Variants in FAM135B observed in about 807,000 individuals in gnomAD.
The protein encoded by FAM135B is protein FAM135B.
A neutral mutation model predicts 127.7 loss-of-function variants in FAM135B; 43 were observed. The ratio of observed to expected loss-of-function variants is 0.34; its 90% CI spans 0.26 to 0.43. The LOEUF is 0.43. Among genes scored for constraint, FAM135B ranks in the 20% least tolerant of loss-of-function variants. The pLI is 1.00. For synonymous variants in FAM135B, 670 were observed against 665.1 expected (o/e 1.01, Z -0.11); for missense variants, 1,558 against 1,725.6 (o/e 0.90, Z 1.72).
At chr8:138,267,875 G>A (rs943832864) in intron 3 of FAM135B, among the ~76,000 whole-genome samples, 1 of 152,132 alleles carries the variant, frequency 6.6e-6, no homozygotes, top group South Asian at 2.1e-4. Context: ...AAATTGATGC[G>A]GCTATTAAAT....
chr8:138,276,234 G>A (rs554659016), intron 3 of FAM135B, among the ~76,000 whole-genome samples: 1 of 152,176 alleles, frequency 6.6e-6, no homozygotes, highest in Non-Finnish European at 1.5e-5. Context: ...AGGCTTTCCT[G>A]AACCATCTGC....
At chr8:138,462,399 G>A (rs1837177665) in intron 1 of FAM135B, among the ~76,000 whole-genome samples, 1 of 152,166 alleles carries the variant, frequency 6.6e-6, no homozygotes, top group Non-Finnish European at 1.5e-5. Context: ...TGGGATAAAG[G>A]TTCCAGTGTT....
chr8:138,279,963 C>T (rs925689847), intron 3 of FAM135B, among the ~76,000 whole-genome samples: 1 of 152,208 alleles, frequency 6.6e-6, no homozygotes, highest in African/African-American at 2.4e-5. Flanking sequence ...TGAGTACTCA[C>T]TCCTATATCT....
intron 2 of FAM135B, among the ~76,000 whole-genome samples, chr8:138,364,332 G>A (rs1026585702): frequency 3.9e-5 from 6 of 152,158 alleles, no homozygotes; most frequent in Admixed American, 2.0e-4. Context: ...CAGGATCTAG[G>A]AGGCTGGTGG....
chr8:138,379,993 T>C (rs1414429718), intron 1 of FAM135B, among the ~76,000 whole-genome samples: 3 of 152,120 alleles, frequency 2.0e-5, no homozygotes, highest in African/African-American at 7.2e-5. Context: ...CATCTAATTT[T>C]AAGGTTCTGC....
At chr8:138,156,232 T>C (rs1445601624) in intron 12 of FAM135B, among the ~76,000 whole-genome samples, 2 of 152,208 alleles carry the variant, frequency 1.3e-5, no homozygotes, top group Admixed American at 6.5e-5. Context: ...GAAATAAAGA[T>C]GTTCTTTGAA....
chr8:138,180,369 C>T (rs1005242682), intron 9 of FAM135B, among the ~76,000 whole-genome samples: 2 of 152,138 alleles, frequency 1.3e-5, no homozygotes, highest in African/African-American at 2.4e-5. Flanking sequence ...TTAAAAGTGC[C>T]GCGGAGCTTT....
At chr8:138,403,200 A>G (rs942901526) in intron 1 of FAM135B, among the ~76,000 whole-genome samples, 2 of 152,178 alleles carry the variant, frequency 1.3e-5, no homozygotes, top group Non-Finnish European at 2.9e-5. Context: ...TGATGATCCA[A>G]TGAGACAACT....
At chr8:138,212,328 A>G (rs1160177065) in intron 7 of FAM135B, among the ~76,000 whole-genome samples, 6 of 152,190 alleles carry the variant, frequency 3.9e-5, no homozygotes, top group Admixed American at 2.0e-4. Context: ...CTCAGCAGAT[A>G]GAGTGATGTT....
At chr8:138,186,447 T>C (rs1015339846) in intron 9 of FAM135B, among the ~76,000 whole-genome samples, 1 of 152,102 alleles carries the variant, frequency 6.6e-6, no homozygotes, top group African/African-American at 2.4e-5. Context: ...CCCCCACCAC[T>C]GGCAGGAGTG....
rs150903511 is a variant in FAM135B at position 138,330,123 on chromosome 8, C to T, written c.78-19203G>A. The stretch of plus-strand genomic sequence containing the variant: ...ACTCCTCACTCATACCTTTTCCTGA[C>T]GATAATGCCCAGGCGGCTGCTCTTA... On this transcript the variant is annotated intron_variant, in intron 2 of 19. Transcript: ENST00000395297. 1.6e-4 allele frequency among the ~76,000 whole-genome samples: 24 copies of T among 152,244 alleles called. No individual in the cohort carries two copies. The East Asian group carries it at 2.5e-3, about 16-fold the overall frequency.
At chr8:138,214,123 C>T (rs1818358541) in intron 7 of FAM135B, among the ~76,000 whole-genome samples, 1 of 152,098 alleles carries the variant, frequency 6.6e-6, no homozygotes, top group Admixed American at 6.5e-5. Flanking sequence ...ATCCATTGCG[C>T]AGACAGCCAG....
chr8:138,483,005 T>A (rs1814847066), intron 1 of FAM135B, among the ~76,000 whole-genome samples: 1 of 152,136 alleles, frequency 6.6e-6, no homozygotes. Context: ...GCCAATATAG[T>A]ACCTAGACTT....
intron 1 of FAM135B, among the ~76,000 whole-genome samples, chr8:138,415,224 T>TAGA: frequency 6.6e-6 from 1 of 152,290 alleles, no homozygotes; most frequent in South Asian, 2.1e-4. Flanking sequence ...GCCTGGAGAT[T>TAGA]AGAATAAAAA....
intron 8 of FAM135B, 49 bp from the exon 9 acceptor site, chr8:138,195,356 G>C (rs2131114801): frequency 6.4e-7 from 1 of 1,561,822 alleles, no homozygotes; most frequent in South Asian, 1.1e-5. Flanking sequence ...ACACTGAAAT[G>C]CAGCAGTTGC....
intron 1 of FAM135B, among the ~76,000 whole-genome samples, chr8:138,398,581 G>A (rs1832972675): frequency 6.6e-6 from 1 of 152,136 alleles, no homozygotes; most frequent in African/African-American, 2.4e-5. Flanking sequence ...ACCCCTGGGT[G>A]TGCAATGACA....
chr8:138,161,714 C>T (rs1819415309), intron 12 of FAM135B, among the ~76,000 whole-genome samples: 1 of 152,152 alleles, frequency 6.6e-6, no homozygotes, highest in Non-Finnish European at 1.5e-5. Flanking sequence ...TACCAGGGCG[C>T]ATTCTTTGCA....
chr8:138,195,401 A>C, intron 8 of FAM135B, 94 bp from the exon 9 acceptor site: 1 of 1,196,886 alleles, frequency 8.4e-7, no homozygotes, highest in Non-Finnish European at 1.2e-6. Flanking sequence ...TCACATTGGC[A>C]TTAACGTCAC....
intron 7 of FAM135B, among the ~76,000 whole-genome samples, chr8:138,239,131 G>C (rs1053445146): frequency 1.1e-4 from 17 of 152,186 alleles, no homozygotes; most frequent in African/African-American, 4.1e-4. Flanking sequence ...AGGTAGATGT[G>C]ATCCCATTTC....
Sources: allele counts gnomAD v4.1 joint callset (sites outside exome capture counted in the v4.1 genomes callset), GRCh38; gene constraint gnomAD v4.1.1; transcripts MANE v1.5; gene names NCBI Gene and HGNC (gene_info 2026-07-23, HGNC 2026-07-21).